KALRN: variants seen among roughly 807,000 people sequenced by gnomAD.
KALRN encodes the protein kalirin RhoGEF kinase.
Under a neutral mutation model 353.7 loss-of-function variants are expected in KALRN, and 70 were observed. The observed-to-expected ratio is 0.20, with a 90% confidence interval of 0.16 to 0.24. The LOEUF is 0.24. Ranked by LOEUF, KALRN falls within the 10% of genes least tolerant of loss-of-function variation. The pLI, the probability that KALRN is intolerant of heterozygous loss-of-function variation, is 1.00. For missense variants in KALRN, 2,791 were observed against 3,756.7 expected, an observed-to-expected ratio of 0.74 and a Z score of 6.72; for synonymous variants, 1,391 against 1,434.8, an observed-to-expected ratio of 0.97 and a Z score of 0.69.
At chr3:124,473,077 T>C (rs2061098097) in intron 25 of KALRN, among the ~76,000 whole-genome samples, 1 of 152,238 alleles carries the variant, frequency 6.6e-6, no homozygotes, top group Admixed American at 6.5e-5. Flanking sequence ...ATTTTGGCTT[T>C]CCAAATAGGA....
At chr3:124,451,623 T>C (rs934071984) in intron 21 of KALRN, among the ~76,000 whole-genome samples, 2 of 152,126 alleles carry the variant, frequency 1.3e-5, no homozygotes, top group African/African-American at 4.8e-5. Context: ...CGAGAAAAGA[T>C]ATGTATGGCC....
chr3:124,045,295 T>C (rs2040376115), intron 1 of KALRN, among the ~76,000 whole-genome samples: 1 of 152,062 alleles, frequency 6.6e-6, no homozygotes, highest in Admixed American at 6.5e-5. Flanking sequence ...GGGAAAAGAT[T>C]GGTAGGACTC....
In KALRN at chr3:124,363,959, T is replaced by G. The variant is rs530150824; in HGVS notation, c.1770+16694T>G. On this transcript the variant is annotated intron_variant, in intron 10 of 59. Transcript: ENST00000682506. ...CAGTTTCTTTTCCCTGCCCTTCTAATCAGAGAAAAATGGGCAGCCCTGCCC... is the reference window on the plus strand; with the variant it reads ...CAGTTTCTTTTCCCTGCCCTTCTAAGCAGAGAAAAATGGGCAGCCCTGCCC... Among the ~76,000 whole-genome samples, 3 of 152,354 alleles carry G rather than the reference T, an allele frequency of 2.0e-5. No homozygotes were observed. The South Asian group carries it at 6.2e-4, about 32-fold the overall frequency.
intron 33 of KALRN, among the ~76,000 whole-genome samples, chr3:124,499,501 A>G (rs918691591): frequency 1.3e-5 from 2 of 152,300 alleles, no homozygotes; most frequent in East Asian, 3.9e-4. Context: ...AGACTGCACA[A>G]TTATTTGGCA....
intron 28 of KALRN, among the ~76,000 whole-genome samples, chr3:124,485,046 A>G (rs907246422): frequency 3.9e-5 from 6 of 152,216 alleles, no homozygotes; most frequent in African/African-American, 1.4e-4. Flanking sequence ...CAGTGAGCCA[A>G]TATCATGCCA....
chr3:124,591,864 G>A (rs1370762883), intron 34 of KALRN, among the ~76,000 whole-genome samples: 2 of 152,206 alleles, frequency 1.3e-5, no homozygotes, highest in Non-Finnish European at 2.9e-5. Context: ...CTGTGGAGTT[G>A]TCACTGTGGG....
intron 1 of KALRN, among the ~76,000 whole-genome samples, chr3:124,227,370 A>AG (rs1468804850): frequency 6.6e-6 from 1 of 152,144 alleles, no homozygotes; most frequent in Admixed American, 6.5e-5. Context: ...GATGACATTG[A>AG]GGGGAGGAGG....
intron 10 of KALRN, among the ~76,000 whole-genome samples, chr3:124,350,929 A>G (rs1325353212): frequency 1.3e-5 from 2 of 152,104 alleles, no homozygotes; most frequent in Non-Finnish European, 2.9e-5. Flanking sequence ...GTAGTTGGGG[A>G]ATTAATCCTG....
At chr3:124,535,522 G>A (rs1281914069) in intron 33 of KALRN, among the ~76,000 whole-genome samples, 4 of 152,092 alleles carry the variant, frequency 2.6e-5, no homozygotes, top group South Asian at 4.1e-4. Flanking sequence ...CATTGCTGTC[G>A]GCTGAGCACT....
intron 13 of KALRN, among the ~76,000 whole-genome samples, chr3:124,403,659 G>A (rs758954668): frequency 4.6e-5 from 7 of 152,156 alleles, no homozygotes; most frequent in Non-Finnish European, 8.8e-5. Context: ...CTTACTGGTG[G>A]TCTCAACTCT....
intron 1 of KALRN, among the ~76,000 whole-genome samples, chr3:124,150,094 C>T (rs2067889745): frequency 6.6e-6 from 1 of 152,156 alleles, no homozygotes; most frequent in African/African-American, 2.4e-5. Context: ...GCTTAATTTG[C>T]TTGCTGGTTA....
chr3:124,633,516 G>C (rs57367501), intron 35 of KALRN, among the ~76,000 whole-genome samples: 20,697 of 152,160 alleles, frequency 0.14, 1,390 homozygotes, highest in Middle Eastern at 0.2. Flanking sequence ...GGCGGCATTT[G>C]GGCTATGGTT....
chr3:124,318,571 T>C (rs1324299592), intron 6 of KALRN, among the ~76,000 whole-genome samples: 1 of 152,216 alleles, frequency 6.6e-6, no homozygotes, highest in Non-Finnish European at 1.5e-5. Flanking sequence ...ATATAAGTAA[T>C]ACATATGGTG....
chr3:124,608,812 A>G (rs1561412118), intron 34 of KALRN, among the ~76,000 whole-genome samples: 1 of 152,262 alleles, frequency 6.6e-6, no homozygotes, highest in Non-Finnish European at 1.5e-5. Flanking sequence ...AGATTAGTAC[A>G]TTGAAAGCCA....
At chr3:124,623,301 T>G (rs769960442) in intron 34 of KALRN, among the ~76,000 whole-genome samples, 34 of 151,670 alleles carry the variant, frequency 2.2e-4, no homozygotes, top group African/African-American at 8.2e-4. Context: ...GCCTGGCCTA[T>G]GCAGGTACCT....
chr3:124,289,278 C>T (rs2076220697), intron 5 of KALRN, among the ~76,000 whole-genome samples: 1 of 152,142 alleles, frequency 6.6e-6, no homozygotes, highest in Non-Finnish European at 1.5e-5. Context: ...ATTAAGTTTT[C>T]AACACATGAA....
At chr3:124,328,567 C>T (rs1049607303) in intron 7 of KALRN, among the ~76,000 whole-genome samples, 1 of 152,164 alleles carries the variant, frequency 6.6e-6, no homozygotes, top group Non-Finnish European at 1.5e-5. Flanking sequence ...GAGATCTTAG[C>T]ATGTACATAT....
At chr3:124,563,565 T>C (rs2072337061) in intron 34 of KALRN, among the ~76,000 whole-genome samples, 1 of 152,240 alleles carries the variant, frequency 6.6e-6, no homozygotes. Flanking sequence ...GAGTCAGATC[T>C]GATCCTTCCC....
intron 9 of KALRN, among the ~76,000 whole-genome samples, chr3:124,343,261 G>C (rs868346037): frequency 6.6e-6 from 1 of 152,178 alleles, no homozygotes; most frequent in Non-Finnish European, 1.5e-5. Flanking sequence ...AGGCTCAGGG[G>C]ATCCTCCCTC....
Sources: allele counts gnomAD v4.1 joint callset (sites outside exome capture counted in the v4.1 genomes callset), GRCh38; gene constraint gnomAD v4.1.1; transcripts MANE v1.5; gene names NCBI Gene and HGNC (gene_info 2026-07-23, HGNC 2026-07-21).